PDE4B: variants seen among roughly 807,000 people sequenced by gnomAD.
The protein encoded by PDE4B is phosphodiesterase 4B.
A neutral mutation model predicts 82.2 loss-of-function variants in PDE4B; 20 were observed. That is an observed-to-expected ratio of 0.24 (90% CI 0.17 to 0.35). PDE4B has a LOEUF of 0.35. Ranked by LOEUF, PDE4B falls within the 10% of genes least tolerant of loss-of-function variation. PDE4B has a pLI of 1.00. For synonymous variants in PDE4B, 320 were observed against 318.9 expected (o/e 1.00, Z -0.04); for missense variants, 655 against 907.2 (o/e 0.72, Z 3.57).
At chr1:66,353,652 A>T (rs963353054) in intron 8 of PDE4B, among the ~76,000 whole-genome samples, 1 of 152,146 alleles carries the variant, frequency 6.6e-6, no homozygotes, top group African/African-American at 2.4e-5. Context: ...CCACTGCAGT[A>T]AAGCTCTAGT....
intron 3 of PDE4B, among the ~76,000 whole-genome samples, chr1:66,031,467 A>C (rs1378505448): frequency 6.6e-6 from 1 of 152,170 alleles, no homozygotes; most frequent in African/African-American, 2.4e-5. Flanking sequence ...CAAAAAATGA[A>C]ATATTTCAGT....
At chr1:66,140,987 A>G (rs951218154) in intron 3 of PDE4B, among the ~76,000 whole-genome samples, 4 of 152,140 alleles carry the variant, frequency 2.6e-5, no homozygotes, top group African/African-American at 7.2e-5. Flanking sequence ...GTCTGAATAC[A>G]GTAGTTCCAC....
At chr1:66,233,726 T>C (rs1051798225) in intron 3 of PDE4B, among the ~76,000 whole-genome samples, 1 of 152,108 alleles carries the variant, frequency 6.6e-6, no homozygotes, top group African/African-American at 2.4e-5. Context: ...AAAGGATGGA[T>C]GTTGAACTTT....
chr1:66,181,540 C>T (rs1229155283), intron 3 of PDE4B, among the ~76,000 whole-genome samples: 1 of 152,152 alleles, frequency 6.6e-6, no homozygotes, highest in African/African-American at 2.4e-5. Flanking sequence ...TAGACAATTA[C>T]TGAAGAATAT....
At chr1:65,847,215 T>C (rs751935177) in intron 1 of PDE4B, among the ~76,000 whole-genome samples, 2 of 152,240 alleles carry the variant, frequency 1.3e-5, no homozygotes, top group Non-Finnish European at 2.9e-5. Context: ...TCTTCCATTT[T>C]GTAAAACATT....
intron 1 of PDE4B, among the ~76,000 whole-genome samples, chr1:65,797,570 C>T (rs1015994140): frequency 2.6e-5 from 4 of 152,260 alleles, no homozygotes; most frequent in African/African-American, 7.2e-5. Context: ...TCCCACTGAA[C>T]GCTGCTGGTG....
chr1:65,907,007 A>G (rs1248637527), intron 1 of PDE4B, among the ~76,000 whole-genome samples: 1 of 152,174 alleles, frequency 6.6e-6, no homozygotes, highest in Non-Finnish European at 1.5e-5. Flanking sequence ...CTTAATTGAA[A>G]AAACTGATTC....
chr1:65,825,680 TA>T (rs969166494), intron 1 of PDE4B, among the ~76,000 whole-genome samples: 9 of 148,946 alleles, frequency 6.0e-5, no homozygotes, highest in African/African-American at 1.5e-4. Context: ...ACCCCATCTC[TA>T]AAAAAAAATT....
chr1:65,825,705 C>CCTGTCTGTCTGTCTGTCTAT (rs752252352), intron 1 of PDE4B, among the ~76,000 whole-genome samples: 11 of 107,374 alleles, frequency 1.0e-4, no homozygotes, highest in African/African-American at 2.9e-4. Context: ...AACAAAATTA[C>CCTGTCTGTCTGTCTGTCTAT]CTATCTATCT....
rs1163373289 is a variant in PDE4B at position 66,351,346 on chromosome 1, C to T, written c.748-4181C>T. Among the ~76,000 whole-genome samples, 3 of 152,324 alleles carry T rather than the reference C, an allele frequency of 2.0e-5. No homozygotes were observed. In the East Asian group the frequency reaches 5.8e-4, roughly 29 times the overall value. On this transcript the variant is annotated intron_variant, in intron 8 of 16. Coordinates refer to ENST00000341517, the MANE Select transcript of PDE4B (RefSeq NM_002600.4). ...GTGTTCCTGTTTGTGGATTTCTCTA[C>T]TGAATTTAATAAAGTAAATAATGCC...
intron 3 of PDE4B, among the ~76,000 whole-genome samples, chr1:66,118,811 C>T (rs887315708): frequency 6.6e-5 from 10 of 152,188 alleles, no homozygotes; most frequent in Non-Finnish European, 1.0e-4. Flanking sequence ...TTGTTCCTAA[C>T]GTGCCCTATT....
chr1:66,372,517 C>A lies in PDE4B; in HGVS notation c.2050C>A (p.Leu684Ile). The change falls in exon 17 of 17, where the codon CTC (leucine) becomes ATC (isoleucine). Residue 684 changes from leucine to isoleucine, a missense_variant. Leu to Ile is a conservative substitution (Grantham distance 5). Coordinates refer to ENST00000341517, the MANE Select transcript of PDE4B (RefSeq NM_002600.4). ...GGAGAAGTTTCAGTTTGAACTGACT[C>A]TCGATGAGGAAGATTCTGAAGGACC... ...LMEKFQFELTLDEEDSEGPEK... is the reference protein window; with the variant it reads ...LMEKFQFELTIDEEDSEGPEK... 6.2e-7 allele frequency: 1 copy of A among 1,614,114 alleles called. No individual in the cohort carries two copies. The highest frequency in any genetic ancestry group is 8.5e-7 in the Non-Finnish European group (1 of 1,180,004).
At chr1:65,885,912 G>A (rs937662308) in intron 1 of PDE4B, among the ~76,000 whole-genome samples, 1 of 149,712 alleles carries the variant, frequency 6.7e-6, no homozygotes, top group African/African-American at 2.4e-5. Flanking sequence ...CCCTTGCTGT[G>A]TTAAGAATTC....
intron 3 of PDE4B, among the ~76,000 whole-genome samples, chr1:66,175,212 A>G (rs924494846): frequency 6.6e-6 from 1 of 152,218 alleles, no homozygotes; most frequent in Non-Finnish European, 1.5e-5. Context: ...AAACCAGTAA[A>G]TACTTCTTTA....
chr1:66,351,402 A>G (rs948238614), intron 8 of PDE4B, among the ~76,000 whole-genome samples: 9 of 152,214 alleles, frequency 5.9e-5, no homozygotes, highest in African/African-American at 2.2e-4. Context: ...ACTCCTTGGG[A>G]CACAGTTTTA....
intron 1 of PDE4B, among the ~76,000 whole-genome samples, chr1:65,845,855 G>C (rs553709213): frequency 1.1e-4 from 16 of 152,100 alleles, no homozygotes; most frequent in Non-Finnish European, 1.3e-4. Flanking sequence ...CTCATTACAG[G>C]AAACCATGAG....
rs1365401444 is a variant in PDE4B at position 66,247,519 on chromosome 1, C to T, written c.341C>T (p.Ser114Phe). ...GRSPLDPQAS[S>F]SAGLVLHATF... ...AGTCCACTGGATCCCCAGGCCAGCT[C>T]TTCCGCTGGGCTGGTACTTCACGCC... The change falls in exon 4 of 17, where the codon TCT becomes TTT. Residue 114 changes from serine to phenylalanine, a missense_variant. This residue lies in a region of PDE4B where 253 missense variants were observed against 275.6 expected (regional missense o/e 0.92). Coordinates refer to ENST00000341517, the MANE Select transcript of PDE4B (RefSeq NM_002600.4). 2 of 1,610,792 alleles carry T rather than the reference C, an allele frequency of 1.2e-6. No homozygotes were observed. Among genetic ancestry groups the T allele is most frequent in the East Asian group, 2.2e-5 (1 of 44,772 alleles).
intron 4 of PDE4B, among the ~76,000 whole-genome samples, chr1:66,251,920 T>G (rs1486506309): frequency 1.3e-5 from 2 of 152,132 alleles, no homozygotes; most frequent in Non-Finnish European, 2.9e-5. Context: ...AAACATATAA[T>G]GCAACATTTT....
At chr1:65,812,469 G>A (rs1645831384) in intron 1 of PDE4B, among the ~76,000 whole-genome samples, 2 of 152,268 alleles carry the variant, frequency 1.3e-5, no homozygotes, top group Admixed American at 6.5e-5. Flanking sequence ...CCTTCCAAAT[G>A]TAATTGGCCA....
Sources: gnomAD v4.1 joint callset for allele counts (sites outside exome capture counted in the v4.1 genomes callset) on GRCh38, gnomAD v4.1.1 for gene constraint, gnomAD v4.1.1 regional missense constraint, MANE v1.5 for transcripts, NCBI Gene and HGNC (gene_info 2026-07-23, HGNC 2026-07-21) for gene names.